PLPP3: variants seen among roughly 807,000 people sequenced by gnomAD.
PLPP3 encodes phospholipid phosphatase 3.
PLPP3 carries 6 observed loss-of-function variants against 29.6 expected under a neutral mutation model. The observed-to-expected ratio is 0.20, with a 90% confidence interval of 0.11 to 0.40. The LOEUF is 0.40. Ranked by LOEUF, PLPP3 falls within the 10% of genes least tolerant of loss-of-function variation. The pLI, the probability that PLPP3 is intolerant of heterozygous loss-of-function variation, is 1.00. For synonymous variants in PLPP3, 152 were observed against 159.7 expected (o/e 0.95, Z 0.36); for missense variants, 308 against 407.7 (o/e 0.76, Z 2.11).
chr1:56,522,639 T>A (rs974505732), intron 4 of PLPP3, among the ~76,000 whole-genome samples: 2 of 152,168 alleles, frequency 1.3e-5, no homozygotes, highest in African/African-American at 2.4e-5. Flanking sequence ...AATGTTGGCT[T>A]AGTTTAGAGG....
chr1:56,533,671 T>C (rs554800377), intron 2 of PLPP3, among the ~76,000 whole-genome samples: 1 of 152,244 alleles, frequency 6.6e-6, no homozygotes, highest in Admixed American at 6.5e-5. Flanking sequence ...TACAGACATA[T>C]GAAGGATGAT....
chr1:56,553,284 A>G (rs1207817628), intron 1 of PLPP3, among the ~76,000 whole-genome samples: 5 of 152,182 alleles, frequency 3.3e-5, no homozygotes, highest in African/African-American at 1.2e-4. Context: ...GACTCAAAAT[A>G]TGACTATGTC....
intron 1 of PLPP3, among the ~76,000 whole-genome samples, chr1:56,562,581 A>G (rs1247373409): frequency 6.6e-6 from 1 of 152,236 alleles, no homozygotes; most frequent in Non-Finnish European, 1.5e-5. Flanking sequence ...GTGGGATACT[A>G]TACCATTTGG....
chr1:56,575,630 G>A (rs1037530379), intron 1 of PLPP3, among the ~76,000 whole-genome samples: 1 of 152,186 alleles, frequency 6.6e-6, no homozygotes, highest in Admixed American at 6.5e-5. Flanking sequence ...GATTCTTCAG[G>A]TGGGGAAAGG....
At chr1:56,515,284 T>C (rs1645773692) in intron 4 of PLPP3, among the ~76,000 whole-genome samples, 1 of 152,166 alleles carries the variant, frequency 6.6e-6, no homozygotes, top group Admixed American at 6.6e-5. Context: ...AGTGGCAAGA[T>C]TTTCTAAATT....
In PLPP3 at chr1:56,573,446, T is replaced by C. The variant is rs74679182; in HGVS notation, c.139+5432A>G. 2.0e-5 allele frequency among the ~76,000 whole-genome samples: 3 copies of C among 152,262 alleles called. No homozygotes were observed. The South Asian group carries it at 6.2e-4, about 32-fold the overall frequency. On this transcript the variant is annotated intron_variant, in intron 1 of 5. Transcript: ENST00000371250. ...ATGCAGAAAATGCCAGAACATTCAG[T>C]GCAGGGACAAAAAGCCCACTACATA...
At chr1:56,571,404 C>A (rs1002087897) in intron 1 of PLPP3, among the ~76,000 whole-genome samples, 1 of 152,146 alleles carries the variant, frequency 6.6e-6, no homozygotes, top group African/African-American at 2.4e-5. Context: ...GCTTCTATGG[C>A]CAATAATAGT....
chr1:56,531,476 C>T (rs1040173003), intron 2 of PLPP3, among the ~76,000 whole-genome samples: 2 of 152,246 alleles, frequency 1.3e-5, no homozygotes, highest in African/African-American at 4.8e-5. Context: ...TATCACCCGG[C>T]ACCTACCTAC....
rs188680016 is a variant in PLPP3, at chr1:56,544,951, C to T, written c.140-7839G>A. ...GTTAAGACACAGCAATAGTCCCATCCATGCAAAGTATTTCTGAGCTCTTAC... is the reference window on the plus strand; with the variant it reads ...GTTAAGACACAGCAATAGTCCCATCTATGCAAAGTATTTCTGAGCTCTTAC... On this transcript the variant is annotated intron_variant, in intron 1 of 5. Transcript: ENST00000371250. 1.5e-3 allele frequency among the ~76,000 whole-genome samples: 227 copies of T among 152,334 alleles called. 1 individual carries two copies. Among genetic ancestry groups the T allele is most frequent in the African/African-American group, 5.2e-3 (216 of 41,588 alleles).
At chr1:56,539,423 C>T (rs1480521293) in intron 1 of PLPP3, among the ~76,000 whole-genome samples, 1 of 152,186 alleles carries the variant, frequency 6.6e-6, no homozygotes, top group African/African-American at 2.4e-5. Context: ...TGCATACACA[C>T]ATGGATTTAT....
At chr1:56,545,778 C>T (rs918339342) in intron 1 of PLPP3, among the ~76,000 whole-genome samples, 3 of 152,170 alleles carry the variant, frequency 2.0e-5, no homozygotes, top group African/African-American at 7.2e-5. Context: ...CAAAACACCC[C>T]GTCTATGTGG....
rs1569890842 is a variant in PLPP3, at chr1:56,538,498, C to A, written c.140-1386G>T. On this transcript the variant is annotated intron_variant, in intron 1 of 5. Transcript: ENST00000371250. ...AGGAGAGGCACCCGATAGATGTTCT[C>A]TAGGCCTGTTAGAAAACATGGAGTT... The A allele has an allele frequency of 4.4e-5, 19 of 433,260 alleles. 1 individual carries two copies. The highest frequency in any genetic ancestry group is 3.2e-4 in the South Asian group (17 of 53,434). 26.8% of individuals were successfully genotyped at this position (433,260 alleles called of 1,614,324 possible).
rs1777278 is a variant in PLPP3 at position 56,527,682 on chromosome 1, C to T, written c.298-3128G>A. Among the ~76,000 whole-genome samples the T allele has an allele frequency of 8.5e-3, 1,300 of 152,162 alleles. 11 individuals are homozygous for T. The highest frequency in any genetic ancestry group is 0.012 in the Non-Finnish European group (828 of 67,998). On this transcript the variant is annotated intron_variant, in intron 2 of 5. Transcript: ENST00000371250. ...GCAACAAATTATGTATTTTCTCTAT[C>T]CCCTTGTACAGAAGGGTCAGGGAGT...
intron 1 of PLPP3, among the ~76,000 whole-genome samples, chr1:56,560,089 G>T (rs1646111204): frequency 6.6e-6 from 1 of 152,000 alleles, no homozygotes. Context: ...CCTTCAACTC[G>T]GCTACCTCTA....
intron 1 of PLPP3, among the ~76,000 whole-genome samples, chr1:56,556,218 T>C (rs1171019584): frequency 2.6e-5 from 4 of 152,286 alleles, no homozygotes; most frequent in Admixed American, 6.5e-5. Context: ...AGGGTCTTCA[T>C]AGAGGTTAAA....
At chr1:56,550,580 G>A (rs1019487168) in intron 1 of PLPP3, among the ~76,000 whole-genome samples, 1 of 152,144 alleles carries the variant, frequency 6.6e-6, no homozygotes, top group African/African-American at 2.4e-5. Context: ...GAATCAGGCA[G>A]AGGGGAGGAA....
chr1:56,531,620 T>C (rs1645888865), intron 2 of PLPP3, among the ~76,000 whole-genome samples: 1 of 152,214 alleles, frequency 6.6e-6, no homozygotes, highest in Non-Finnish European at 1.5e-5. Context: ...CTAAAAGCTT[T>C]TATAGCTAAC....
intron 5 of PLPP3, among the ~76,000 whole-genome samples, chr1:56,498,039 T>G (rs538366890): frequency 6.6e-6 from 1 of 152,052 alleles, no homozygotes; most frequent in Non-Finnish European, 1.5e-5. Flanking sequence ...TAAGTATTAT[T>G]TTGTTGTTAA....
chr1:56,532,875 A>C (rs1379706645), intron 2 of PLPP3, among the ~76,000 whole-genome samples: 1 of 152,062 alleles, frequency 6.6e-6, no homozygotes, highest in Non-Finnish European at 1.5e-5. Context: ...CAGACATGAC[A>C]ATCAGCACAG....
Sources: allele counts gnomAD v4.1 joint callset (sites outside exome capture counted in the v4.1 genomes callset), GRCh38; gene constraint gnomAD v4.1.1; transcripts MANE v1.5; gene names NCBI Gene and HGNC (gene_info 2026-07-23, HGNC 2026-07-21).